Variants in GALNTL6 observed in about 807,000 individuals in gnomAD.
GALNTL6 encodes polypeptide N-acetylgalactosaminyltransferase like 6.
In GALNTL6, 46 loss-of-function variants were observed where a neutral mutation model predicts 73.7. The ratio of observed to expected loss-of-function variants is 0.62; its 90% CI spans 0.49 to 0.80. The LOEUF is 0.80. Ranked by LOEUF, GALNTL6 falls within the 30% of genes least tolerant of loss-of-function variation. The pLI, the probability that GALNTL6 is intolerant of heterozygous loss-of-function variation, is 0.00. For missense variants in GALNTL6, 604 were observed against 755.0 expected, an observed-to-expected ratio of 0.80 and a Z score of 2.34; for synonymous variants, 259 against 263.7, an observed-to-expected ratio of 0.98 and a Z score of 0.17.
intron 2 of GALNTL6, among the ~76,000 whole-genome samples, chr4:172,165,536 TAA>T (rs1364051018): frequency 1.3e-5 from 2 of 152,170 alleles, no homozygotes; most frequent in Non-Finnish European, 2.9e-5. Flanking sequence ...TGTGGCAAGT[TAA>T]AAATGCAAAT....
intron 3 of GALNTL6, among the ~76,000 whole-genome samples, chr4:172,297,507 T>C (rs1272117650): frequency 3.3e-5 from 5 of 152,236 alleles, no homozygotes; most frequent in Non-Finnish European, 5.9e-5. Flanking sequence ...TATAAGTCTT[T>C]AATCCATCTT....
intron 5 of GALNTL6, among the ~76,000 whole-genome samples, chr4:172,639,789 G>T (rs1283173357): frequency 6.6e-6 from 1 of 151,818 alleles, no homozygotes; most frequent in African/African-American, 2.4e-5. Flanking sequence ...ACTCACACTG[G>T]CTCCCACTGT....
At chr4:171,978,683 G>A (rs992169374) in intron 2 of GALNTL6, among the ~76,000 whole-genome samples, 2 of 152,046 alleles carry the variant, frequency 1.3e-5, no homozygotes, top group African/African-American at 2.4e-5. Flanking sequence ...GAAAAATTAA[G>A]TCCTCAGTCT....
chr4:172,000,060 T>C (rs1038449172), intron 2 of GALNTL6, among the ~76,000 whole-genome samples: 1 of 152,030 alleles, frequency 6.6e-6, no homozygotes, highest in Non-Finnish European at 1.5e-5. Flanking sequence ...ATATACGGAG[T>C]ATGAGTGTTT....
intron 10 of GALNTL6, among the ~76,000 whole-genome samples, chr4:173,008,206 C>T (rs78676747): frequency 1.7e-3 from 260 of 152,322 alleles, no homozygotes; most frequent in Middle Eastern, 0.017. Context: ...GTTCACTCGC[C>T]TCCATCACAT....
intron 5 of GALNTL6, among the ~76,000 whole-genome samples, chr4:172,448,943 G>T (rs966949858): frequency 2.6e-5 from 4 of 152,054 alleles, no homozygotes; most frequent in African/African-American, 9.7e-5. Flanking sequence ...CTTTTAATAA[G>T]AAAATAATCT....
chr4:172,304,676 T>C (rs369772218), intron 3 of GALNTL6, among the ~76,000 whole-genome samples: 1 of 151,764 alleles, frequency 6.6e-6, no homozygotes, highest in South Asian at 2.1e-4. Flanking sequence ...ACTAGCAGGG[T>C]TTTTTTTCCC....
At chr4:172,308,641 T>C (rs1740244347) in intron 3 of GALNTL6, among the ~76,000 whole-genome samples, 1 of 152,158 alleles carries the variant, frequency 6.6e-6, no homozygotes, top group Non-Finnish European at 1.5e-5. Context: ...ATTTATTGAC[T>C]TGCACCTGGC....
At chr4:171,947,013 G>A (rs926899770) in intron 2 of GALNTL6, among the ~76,000 whole-genome samples, 5 of 151,968 alleles carry the variant, frequency 3.3e-5, no homozygotes, top group African/African-American at 4.8e-5. Flanking sequence ...ATTAGATGTC[G>A]GGAGATGAAA....
intron 5 of GALNTL6, among the ~76,000 whole-genome samples, chr4:172,694,340 T>A (rs542514566): frequency 6.6e-6 from 1 of 152,120 alleles, no homozygotes; most frequent in South Asian, 2.1e-4. Context: ...TTCCCCTCCC[T>A]GTGTCCATGT....
intron 7 of GALNTL6, among the ~76,000 whole-genome samples, chr4:172,828,547 C>G (rs61610621): frequency 2.0e-5 from 3 of 152,018 alleles, no homozygotes; most frequent in Admixed American, 2.0e-4. Flanking sequence ...TGATCACCAT[C>G]ATGTGTTAAA....
intron 3 of GALNTL6, among the ~76,000 whole-genome samples, chr4:172,272,591 T>A (rs1738693447): frequency 6.6e-6 from 1 of 152,218 alleles, no homozygotes; most frequent in Non-Finnish European, 1.5e-5. Flanking sequence ...CTGTTGTCTG[T>A]GCAGTAGGTA....
intron 2 of GALNTL6, among the ~76,000 whole-genome samples, chr4:172,002,394 G>C (rs1740701181): frequency 6.6e-6 from 1 of 152,112 alleles, no homozygotes; most frequent in South Asian, 2.1e-4. Flanking sequence ...TATATGCCAG[G>C]AAGTGGATGC....
intron 2 of GALNTL6, among the ~76,000 whole-genome samples, chr4:172,121,509 T>C (rs1733150390): frequency 6.6e-6 from 1 of 152,150 alleles, no homozygotes; most frequent in Admixed American, 6.6e-5. Context: ...CCACAAGCAT[T>C]GATGATCAAT....
chr4:172,170,625 G>A (rs1189109852), intron 2 of GALNTL6, among the ~76,000 whole-genome samples: 1 of 150,010 alleles, frequency 6.7e-6, no homozygotes, highest in Non-Finnish European at 1.5e-5. Flanking sequence ...TTATTCTGGT[G>A]CCTCAACCTC....
intron 5 of GALNTL6, among the ~76,000 whole-genome samples, chr4:172,522,786 A>C (rs1310187684): frequency 6.6e-6 from 1 of 151,408 alleles, no homozygotes; most frequent in African/African-American, 2.4e-5. Flanking sequence ...TGTTTTCTTA[A>C]TTCATTGCAT....
At chr4:172,476,446 C>A (rs186954890) in intron 5 of GALNTL6, among the ~76,000 whole-genome samples, 4 of 152,260 alleles carry the variant, frequency 2.6e-5, no homozygotes, top group Non-Finnish European at 5.9e-5. Context: ...CAGACCATAG[C>A]AAATATGTAT....
chr4:172,999,457 G>A (rs1432531138), intron 10 of GALNTL6, among the ~76,000 whole-genome samples: 7 of 152,126 alleles, frequency 4.6e-5, no homozygotes, highest in African/African-American at 1.4e-4. Context: ...CACTGACAAA[G>A]GAGAAATATC....
intron 5 of GALNTL6, chr4:172,669,096 TG>T (rs1412984509): frequency 1.3e-5 from 2 of 152,242 alleles, no homozygotes; most frequent in Non-Finnish European, 2.9e-5. Context: ...ATCCATCATT[TG>T]GGGTGTTGGA....
Sources: allele counts gnomAD v4.1 joint callset (sites outside exome capture counted in the v4.1 genomes callset), GRCh38; gene constraint gnomAD v4.1.1; transcripts MANE v1.5; gene names NCBI Gene and HGNC (gene_info 2026-07-23, HGNC 2026-07-21).